Variants in GFM1 observed in about 807,000 individuals in gnomAD.
GFM1 encodes elongation factor G, mitochondrial.
GFM1 carries 62 observed loss-of-function variants against 96.2 expected under a neutral mutation model. The ratio of observed to expected loss-of-function variants is 0.64; its 90% CI spans 0.53 to 0.80. The LOEUF (loss-of-function observed/expected upper bound fraction) is 0.80. GFM1 is among the 30% of genes least tolerant of loss of function. GFM1 has a pLI of 0.00. For synonymous variants in GFM1, 282 were observed against 312.9 expected (o/e 0.90, Z 1.04); for missense variants, 852 against 916.6 (o/e 0.93, Z 0.91).
chr3:158,649,328 T>G (rs1722106300), intron 5 of GFM1, 171 bp downstream of exon 5: 1 of 503,164 alleles, frequency 2.0e-6, no homozygotes, highest in African/African-American at 1.9e-5. Flanking sequence ...CCCATTTTAT[T>G]TAGTATTTAT....
At position 158,654,434 on chromosome 3, in the gene GFM1, G is replaced by A. The variant is rs1722572267; in HGVS notation, c.999-113G>A. 14 of 687,056 alleles carry A rather than the reference G, an allele frequency of 2.0e-5. No homozygotes were observed. In the South Asian group the frequency reaches 2.2e-4, roughly 11 times the overall value. 42.6% of individuals were successfully genotyped at this position (687,056 alleles called of 1,614,324 possible). Reference sequence around the variant, plus strand: ...GAAATTTTACTTATGTGTGACAGCAGTAATATCCCACACACGTGCTTTTTC... The same window carrying A: ...GAAATTTTACTTATGTGTGACAGCAATAATATCCCACACACGTGCTTTTTC... On this transcript the variant is annotated intron_variant, in intron 7 of 17. Transcript: ENST00000486715.
rs538435939 is a variant in GFM1 at position 158,680,126 on chromosome 3, A to G, written c.1602-1869A>G. Among the ~76,000 whole-genome samples, 15 of 152,340 alleles carry G rather than the reference A, an allele frequency of 9.8e-5. No homozygotes were observed. In the South Asian group the frequency reaches 2.5e-3, roughly 25 times the overall value. ...TATATATTTTTCGTTGTTGAAAACA[A>G]TGTGGCCCTGACATAATTTTTCTTT... On this transcript the variant is annotated intron_variant, in intron 13 of 17. Coordinates refer to ENST00000486715, the MANE Select transcript of GFM1 (RefSeq NM_024996.7).
At chr3:158,685,599 A>G (rs1225875913) in intron 15 of GFM1, among the ~76,000 whole-genome samples, 1 of 152,176 alleles carries the variant, frequency 6.6e-6, no homozygotes, top group Non-Finnish European at 1.5e-5. Context: ...GTGATCAGGT[A>G]TGGGGCAGTG....
intron 11 of GFM1, among the ~76,000 whole-genome samples, chr3:158,665,105 C>T (rs930073336): frequency 2.6e-5 from 4 of 152,102 alleles, no homozygotes; most frequent in African/African-American, 9.7e-5. Context: ...CTCTTGTTTT[C>T]TATCTTGGTG....
At position 158,644,711 on chromosome 3, in the gene GFM1, A is replaced by G. The variant is rs574200635; in HGVS notation, c.77A>G (p.Lys26Arg). Residue 26 changes from lysine to arginine, a missense_variant, in exon 1 of 18, where the codon AAG becomes AGG. Coordinates refer to ENST00000486715, the MANE Select transcript of GFM1 (RefSeq NM_024996.7). The stretch of plus-strand genomic sequence containing the variant: ...CCCGCCTCCCTAGGCTGGCAGAGGA[A>G]GCAGGTACCGGAGCATAGAGAGGCT... Reference protein sequence around the residue: ...RAPASLGWQRKQVNWKACRWS... With the variant: ...RAPASLGWQRRQVNWKACRWS... 1,859 of 1,575,040 alleles carry G rather than the reference A, an allele frequency of 1.2e-3. 39 individuals carry two copies. The South Asian group carries it at 0.02, about 17-fold the overall frequency.
chr3:158,660,219 C>G (rs1350141538), intron 9 of GFM1: 3 of 147,408 alleles, frequency 2.0e-5, no homozygotes, highest in African/African-American at 7.6e-5. Context: ...ATCTCATTGT[C>G]TAACTGCGGC....
At chr3:158,672,589 C>A in intron 13 of GFM1, 1 of 1,347,068 alleles carries the variant, frequency 7.4e-7, no homozygotes, top group Non-Finnish European at 1.0e-6. Context: ...GCGGAAAAGT[C>A]GCAAGCTCCT....
At chr3:158,661,782 C>CT (rs1041366838) in intron 10 of GFM1, among the ~76,000 whole-genome samples, 7 of 152,136 alleles carry the variant, frequency 4.6e-5, no homozygotes, top group Non-Finnish European at 8.8e-5. Flanking sequence ...TGACCCAACT[C>CT]TAACAGAATA....
At chr3:158,664,997 A>G (rs999633878) in intron 11 of GFM1, among the ~76,000 whole-genome samples, 11 of 152,188 alleles carry the variant, frequency 7.2e-5, no homozygotes, top group African/African-American at 2.7e-4. Context: ...TAGGATTTCT[A>G]AAATGTAACA....
intron 13 of GFM1, among the ~76,000 whole-genome samples, chr3:158,674,453 T>G (rs532000230): frequency 3.9e-5 from 6 of 152,290 alleles, no homozygotes; most frequent in African/African-American, 1.4e-4. Flanking sequence ...TCGATGGGGT[T>G]GTCAGATACG....
chr3:158,665,829 C>T (rs1723619555), intron 12 of GFM1, among the ~76,000 whole-genome samples: 1 of 152,076 alleles, frequency 6.6e-6, no homozygotes, highest in Non-Finnish European at 1.5e-5. Flanking sequence ...CATTTCTTCT[C>T]AAGTCATTAC....
intron 13 of GFM1, chr3:158,672,674 G>T: frequency 3.6e-6 from 2 of 560,116 alleles, no homozygotes; most frequent in Non-Finnish European, 3.1e-6. Context: ...GCATCCGAGA[G>T]CCCTGGGCTG....
intron 16 of GFM1, chr3:158,690,697 T>C: frequency 3.0e-6 from 1 of 328,494 alleles, no homozygotes; most frequent in African/African-American, 2.2e-5. Flanking sequence ...TTACCTTGCC[T>C]GTACCTTTCT....
At chr3:158,658,369 T>G (rs1295205238) in intron 8 of GFM1, among the ~76,000 whole-genome samples, 2 of 152,090 alleles carry the variant, frequency 1.3e-5, no homozygotes, top group African/African-American at 4.8e-5. Flanking sequence ...TTTGCCATGT[T>G]GGCCAGGCTG....
At chr3:158,654,668 A>G (rs1461301988) in intron 8 of GFM1, 37 bp downstream of exon 8, 2 of 1,297,712 alleles carry the variant, frequency 1.5e-6, no homozygotes, top group Non-Finnish European at 2.2e-6. Flanking sequence ...TGCTATCTGT[A>G]GAATGTTTTT....
intron 8 of GFM1, among the ~76,000 whole-genome samples, chr3:158,658,451 G>C (rs1466718310): frequency 6.6e-6 from 1 of 151,992 alleles, no homozygotes; most frequent in Non-Finnish European, 1.5e-5. Flanking sequence ...AGGCCTGAGC[G>C]ACCAGCCCAG....
chr3:158,668,723 A>G (rs1723968540), intron 13 of GFM1, among the ~76,000 whole-genome samples: 1 of 152,176 alleles, frequency 6.6e-6, no homozygotes, highest in African/African-American at 2.4e-5. Context: ...CTAACAAAGC[A>G]CAGTTATTAG....
chr3:158,646,049 CTGGGATTATAGGCA>C, intron 2 of GFM1, 102 bp from the exon 3 acceptor site: 3 of 1,289,252 alleles, frequency 2.3e-6, no homozygotes, highest in Non-Finnish European at 3.4e-6. Context: ...TCCCACAGTG[CTGGGATTATAGGCA>C]TGAGCCACTG....
chr3:158,667,030 A>C (rs747428206), intron 13 of GFM1: 1 of 1,596,958 alleles, frequency 6.3e-7, no homozygotes, highest in East Asian at 2.2e-5. Flanking sequence ...CTATATTATG[A>C]AGTAGAATGG....
Sources: gnomAD v4.1 joint callset for allele counts (sites outside exome capture counted in the v4.1 genomes callset) on GRCh38, gnomAD v4.1.1 for gene constraint, MANE v1.5 for transcripts, NCBI Gene and HGNC (gene_info 2026-07-23, HGNC 2026-07-21) for gene names.